Variants in EEIG1 observed in about 807,000 individuals in gnomAD.
EEIG1 encodes estrogen-induced osteoclastogenesis regulator 1.
the EEIG1 span, among the ~76,000 whole-genome samples, chr9:127,957,468 A>C: frequency 2.6e-5 from 4 of 152,216 alleles, no homozygotes; most frequent in African/African-American, 9.6e-5. Flanking sequence ...TTAAATATCT[A>C]AATAAATGGA....
the EEIG1 span, chr9:127,945,598 G>A: frequency 6.4e-7 from 1 of 1,561,796 alleles, no homozygotes. The surrounding 1 kb of genome is among the most constrained non-coding windows in gnomAD (Gnocchi z 6.5). Context: ...TCACAATGGG[G>A]GATCCCGAGG....
the EEIG1 span, among the ~76,000 whole-genome samples, chr9:127,973,795 C>T: frequency 1.3e-5 from 2 of 152,148 alleles, no homozygotes; most frequent in African/African-American, 4.8e-5. The surrounding 1 kb of genome is among the most constrained non-coding windows in gnomAD (Gnocchi z 4.2). Flanking sequence ...CTTGTGCCCC[C>T]GACCTGCACC....
chr9:127,962,047 C>T, the EEIG1 span, among the ~76,000 whole-genome samples: 18 of 152,240 alleles, frequency 1.2e-4, no homozygotes, highest in African/African-American at 4.1e-4. Context: ...AGGACTGCTC[C>T]GATGGCACCC....
chr9:127,973,131 C>T, the EEIG1 span, among the ~76,000 whole-genome samples: 1 of 152,162 alleles, frequency 6.6e-6, no homozygotes, highest in Non-Finnish European at 1.5e-5. This position sits in a 1 kb window ranked among gnomAD's most constrained non-coding sequence, Gnocchi z 4.2. Context: ...TACATCTAAA[C>T]TGGTTGTGCT....
At chr9:127,948,397 G>A in the EEIG1 span, 2 of 1,614,128 alleles carry the variant, frequency 1.2e-6, no homozygotes, top group Non-Finnish European at 1.7e-6. Context: ...CAGAGAGCAG[G>A]AACATACCAA....
At chr9:127,970,159 G>A in the EEIG1 span, among the ~76,000 whole-genome samples, 2 of 151,778 alleles carry the variant, frequency 1.3e-5, no homozygotes, top group African/African-American at 2.4e-5. Context: ...TGTCGCCTAC[G>A]CTGGAGTGCA....
the EEIG1 span, among the ~76,000 whole-genome samples, chr9:127,946,019 A>G: frequency 1.3e-5 from 2 of 152,258 alleles, no homozygotes; most frequent in Admixed American, 1.3e-4. Flanking sequence ...AACTGCCTCC[A>G]CTACCCACAA....
At chr9:127,945,842 C>T in the EEIG1 span, 2 of 872,538 alleles carry the variant, frequency 2.3e-6, no homozygotes, top group Non-Finnish European at 1.8e-6. This position sits in a 1 kb window ranked among gnomAD's most constrained non-coding sequence, Gnocchi z 6.5. Context: ...CTCACAGAGC[C>T]TCCCATGGCA....
At chr9:127,948,232 A>C in the EEIG1 span, 2 of 1,613,754 alleles carry the variant, frequency 1.2e-6, no homozygotes, top group South Asian at 1.1e-5. Context: ...TGGCCTTGGG[A>C]AGACAGACAG....
chr9:127,943,516 C>T, the EEIG1 span: 7 of 480,210 alleles, frequency 1.5e-5, no homozygotes, highest in East Asian at 3.7e-5. Flanking sequence ...CTGCATCCTG[C>T]CCCACTTGAC....
chr9:127,945,619 C>T, the EEIG1 span: 2 of 1,565,534 alleles, frequency 1.3e-6, no homozygotes, highest in Non-Finnish European at 1.7e-6. The surrounding 1 kb of genome is among the most constrained non-coding windows in gnomAD (Gnocchi z 6.5). Context: ...AAGGAGGAGG[C>T]CACGGGGGCA....
At chr9:127,980,928 C>G in the EEIG1 span, among the ~76,000 whole-genome samples, 1 of 149,216 alleles carries the variant, frequency 6.7e-6, no homozygotes, top group Non-Finnish European at 1.5e-5. Flanking sequence ...GCAGCAGCGC[C>G]GCCCCCTGCG....
At chr9:127,953,593 G>A in the EEIG1 span, 33 of 1,613,912 alleles carry the variant, frequency 2.0e-5, no homozygotes, top group East Asian at 4.9e-4. Context: ...AAGCCTTCCC[G>A]CCTTTCAGCT....
At chr9:127,948,530 C>G in the EEIG1 span, 3 of 999,250 alleles carry the variant, frequency 3.0e-6, no homozygotes, top group Non-Finnish European at 4.6e-6. Flanking sequence ...AATCCTGTCT[C>G]TCTGCCCCCT....
At chr9:127,980,423 G>A in the EEIG1 span, 1 of 249,732 alleles carries the variant, frequency 4.0e-6, no homozygotes. Context: ...AGGAGGCAGA[G>A]GCAGGGGCGG....
At chr9:127,973,706 T>TGCCCGGGCTGGCCTCTGAGGCC in the EEIG1 span, among the ~76,000 whole-genome samples, 1 of 152,324 alleles carries the variant, frequency 6.6e-6, no homozygotes, top group African/African-American at 2.4e-5. This position sits in a 1 kb window ranked among gnomAD's most constrained non-coding sequence, Gnocchi z 4.2. Flanking sequence ...ACAGCCTCGC[T>TGCCCGGGCTGGCCTCTGAGGCC]GCCCGGGCTG....
the EEIG1 span, among the ~76,000 whole-genome samples, chr9:127,971,603 C>T: frequency 2.0e-5 from 3 of 152,194 alleles, no homozygotes; most frequent in Non-Finnish European, 4.4e-5. Context: ...CACCAGCACT[C>T]ACACTGGTTC....
chr9:127,952,339 G>A, the EEIG1 span, among the ~76,000 whole-genome samples: 116,554 of 152,224 alleles, frequency 0.77, 46,070 homozygotes, highest in Non-Finnish European at 0.87. Flanking sequence ...GAGGTGAGGC[G>A]AAGGCATTTC....
the EEIG1 span, among the ~76,000 whole-genome samples, chr9:127,955,346 C>G: frequency 6.6e-6 from 1 of 152,226 alleles, no homozygotes; most frequent in African/African-American, 2.4e-5. Context: ...CCACCCTACC[C>G]GCCACTCGAG....
Sources: gnomAD v4.1 joint callset for allele counts (sites outside exome capture counted in the v4.1 genomes callset) on GRCh38, gnomAD v4.1.1 for gene constraint, Gnocchi (gnomAD v3.1) non-coding constraint, MANE v1.5 for transcripts, NCBI Gene and HGNC (gene_info 2026-07-23, HGNC 2026-07-21) for gene names.